ZC3H12B: variants seen among roughly 807,000 people sequenced by gnomAD.
ZC3H12B encodes probable ribonuclease ZC3H12B.
In ZC3H12B, 7 loss-of-function variants were observed where a neutral mutation model predicts 43.9. The observed-to-expected ratio is 0.16, with a 90% CI of 0.09 to 0.30. ZC3H12B has a LOEUF of 0.30. Ranked by LOEUF, ZC3H12B falls within the 10% of genes least tolerant of loss-of-function variation. The pLI, the probability that ZC3H12B is intolerant of heterozygous loss-of-function variation, is 1.00. For missense variants in ZC3H12B, 475 were observed against 670.2 expected (o/e 0.71, Z 3.22); for synonymous variants, 222 against 241.7 (o/e 0.92, Z 0.76).
At chrX:65,243,116 T>C in the ZC3H12B span, among the ~76,000 whole-genome samples, 11 of 111,869 alleles carry the variant, frequency 9.8e-5, no homozygotes, top group African/African-American at 1.6e-4. Context: ...AAATTATAAA[T>C]GGACAATTGG....
chrX:65,055,966 A>G, the ZC3H12B span, among the ~76,000 whole-genome samples: 1 of 110,275 alleles, frequency 9.1e-6, no homozygotes. Context: ...CATGTGTTTG[A>G]TTCTACTCTC....
chrX:65,303,608 G>C, the ZC3H12B span, among the ~76,000 whole-genome samples: 29 of 111,702 alleles, frequency 2.6e-4, no homozygotes, highest in Non-Finnish European at 1.9e-4. Flanking sequence ...ATGCTATCCT[G>C]CTTAGGTCTG....
chrX:65,118,214 T>A, the ZC3H12B span, among the ~76,000 whole-genome samples: 1 of 112,072 alleles, frequency 8.9e-6, no homozygotes, highest in Non-Finnish European at 1.9e-5. Context: ...TTCTTCCATT[T>A]GTTTGTGTCC....
chrX:65,364,972 G>T (rs1190787266), upstream of ZC3H12B, among the ~76,000 whole-genome samples: 1 of 111,251 alleles, frequency 9.0e-6, no homozygotes, highest in Non-Finnish European at 1.9e-5. Flanking sequence ...TTCCCACAGG[G>T]TCTGAGAAGG....
At chrX:65,324,566 C>A in the ZC3H12B span, among the ~76,000 whole-genome samples, 2 of 111,190 alleles carry the variant, frequency 1.8e-5, no homozygotes, top group Non-Finnish European at 3.8e-5. Flanking sequence ...TCCTTGGTTG[C>A]CCATGAACAT....
the ZC3H12B span, among the ~76,000 whole-genome samples, chrX:65,334,638 G>C: frequency 9.0e-6 from 1 of 111,053 alleles, no homozygotes; most frequent in Non-Finnish European, 1.9e-5. Context: ...AGAGACAGAA[G>C]AAGATCCAGT....
chrX:65,449,319 GA>G (rs775045811), intron 3 of ZC3H12B, among the ~76,000 whole-genome samples: 2 of 110,619 alleles, frequency 1.8e-5, no homozygotes, highest in Admixed American at 1.9e-4. Context: ...ACATGTTGAA[GA>G]AAAAAAAGAA....
At chrX:65,463,257 C>A (rs2067775405) in intron 3 of ZC3H12B, among the ~76,000 whole-genome samples, 1 of 111,846 alleles carries the variant, frequency 8.9e-6, no homozygotes, top group Non-Finnish European at 1.9e-5. Context: ...ACAAGTACCC[C>A]TTGAATCTAA....
the ZC3H12B span, among the ~76,000 whole-genome samples, chrX:65,069,877 C>T: frequency 7.2e-5 from 8 of 111,638 alleles, no homozygotes; most frequent in African/African-American, 2.6e-4. Context: ...ATTTTTGCAT[C>T]TATGTTCATC....
chrX:65,304,957 G>A, the ZC3H12B span, among the ~76,000 whole-genome samples: 1 of 111,708 alleles, frequency 9.0e-6, no homozygotes, highest in South Asian at 3.7e-4. Flanking sequence ...ATCTCAATAA[G>A]AAGTAATAAA....
intron 3 of ZC3H12B, among the ~76,000 whole-genome samples, chrX:65,439,931 G>A (rs1296597589): frequency 9.0e-6 from 1 of 110,687 alleles, no homozygotes; most frequent in Non-Finnish European, 1.9e-5. Flanking sequence ...GGTTTCAGGT[G>A]TCTTGGTGGT....
At chrX:65,115,084 A>G in the ZC3H12B span, among the ~76,000 whole-genome samples, 3 of 108,130 alleles carry the variant, frequency 2.8e-5, no homozygotes, top group Non-Finnish European at 5.7e-5. Context: ...GGTTTTATGG[A>G]ACAGGTGGTA....
the ZC3H12B span, among the ~76,000 whole-genome samples, chrX:65,260,476 T>C: frequency 9.0e-6 from 1 of 111,292 alleles, no homozygotes; most frequent in African/African-American, 3.3e-5. Flanking sequence ...ACTATGCTTA[T>C]TACCTGGCTG....
chrX:65,168,650 G>T, the ZC3H12B span, among the ~76,000 whole-genome samples: 11 of 111,266 alleles, frequency 9.9e-5, no homozygotes, highest in Non-Finnish European at 2.1e-4. Flanking sequence ...GTAGAATTCG[G>T]CTGTGAATCC....
the ZC3H12B span, among the ~76,000 whole-genome samples, chrX:65,202,073 T>TTATA: frequency 2.2e-5 from 2 of 89,400 alleles, no homozygotes; most frequent in African/African-American, 8.0e-5. Context: ...AATATATATA[T>TTATA]TACATATAAT....
At chrX:65,201,764 A>G in the ZC3H12B span, among the ~76,000 whole-genome samples, 1 of 105,781 alleles carries the variant, frequency 9.5e-6, no homozygotes, top group Non-Finnish European at 1.9e-5. Context: ...TCTCATCTTG[A>G]ATTGTAGTTC....
the ZC3H12B span, among the ~76,000 whole-genome samples, chrX:65,143,959 T>C: frequency 9.0e-6 from 1 of 111,321 alleles, no homozygotes; most frequent in East Asian, 2.8e-4. Flanking sequence ...TATTGGTCTT[T>C]AGTTCTTTTT....
the ZC3H12B span, among the ~76,000 whole-genome samples, chrX:65,231,562 C>T: frequency 1.8e-5 from 2 of 111,063 alleles, no homozygotes; most frequent in African/African-American, 3.3e-5. Context: ...CATAGAACTA[C>T]CCCCAGGAAT....
At chrX:65,292,071 T>A in the ZC3H12B span, among the ~76,000 whole-genome samples, 1 of 111,857 alleles carries the variant, frequency 8.9e-6, no homozygotes, top group African/African-American at 3.2e-5. Context: ...AATCTGCTAT[T>A]ACATATGAAG....
Sources: gnomAD v4.1 joint callset for allele counts (sites outside exome capture counted in the v4.1 genomes callset) on GRCh38, gnomAD v4.1.1 for gene constraint, MANE v1.5 for transcripts, NCBI Gene and HGNC (gene_info 2026-07-23, HGNC 2026-07-21) for gene names.